Variants in CNDP1 observed in about 807,000 individuals in gnomAD.
CNDP1 encodes carnosine dipeptidase 1, also known as beta-Ala-His dipeptidase.
CNDP1 carries 44 observed loss-of-function variants against 58.1 expected under a neutral mutation model. The ratio of observed to expected loss-of-function variants is 0.76; its 90% CI spans 0.60 to 0.97. The LOEUF (loss-of-function observed/expected upper bound fraction) is 0.97, where lower values mean the gene tolerates loss of function less well. Among genes scored for constraint, CNDP1 ranks in the 50% least tolerant of loss-of-function variants. The pLI is 0.00. For missense variants in CNDP1, 616 were observed against 655.1 expected, an observed-to-expected ratio of 0.94 and a Z score of 0.65; for synonymous variants, 254 against 252.6, an observed-to-expected ratio of 1.01 and a Z score of -0.05.
intron 8 of CNDP1, chr18:74,577,864 C>T (rs189228245): frequency 2.8e-4 from 76 of 274,728 alleles, no homozygotes; most frequent in East Asian, 6.6e-4. Context: ...CCACACTGAA[C>T]GTGCCCGATC....
At chr18:74,567,101 A>C (rs1981347727) in intron 5 of CNDP1, 132 bp from the exon 6 acceptor site, 2 of 691,108 alleles carry the variant, frequency 2.9e-6, no homozygotes, top group Non-Finnish European at 2.6e-6. Flanking sequence ...CCCATGATTC[A>C]ATTACCTCCC....
At chr18:74,541,248 C>T (rs994502256) in intron 1 of CNDP1, among the ~76,000 whole-genome samples, 12 of 152,198 alleles carry the variant, frequency 7.9e-5, no homozygotes, top group Non-Finnish European at 1.3e-4. Context: ...GCAGAGGCAC[C>T]GTTTAGCTGC....
intron 1 of CNDP1, among the ~76,000 whole-genome samples, chr18:74,535,301 T>C (rs898619730): frequency 6.6e-6 from 1 of 151,824 alleles, no homozygotes; most frequent in Non-Finnish European, 1.5e-5. Flanking sequence ...GGACGCTTTT[T>C]ATTTCCATTG....
At chr18:74,582,467 C>T (rs1466375297) in intron 10 of CNDP1, among the ~76,000 whole-genome samples, 3 of 152,130 alleles carry the variant, frequency 2.0e-5, no homozygotes, top group Non-Finnish European at 2.9e-5. Context: ...GACATTTGAG[C>T]GATAGTACAG....
intron 10 of CNDP1, among the ~76,000 whole-genome samples, chr18:74,581,110 G>A (rs1022537055): frequency 6.6e-6 from 1 of 151,858 alleles, no homozygotes; most frequent in African/African-American, 2.4e-5. Flanking sequence ...GCTCTTCCTG[G>A]TCACAAAGAG....
Position 74,562,129 on chromosome 18 carries a change from G to A in CNDP1, c.549G>A (p.Leu183=). The part of the protein sequence containing the change: ...WINAVSAFRA[L]EQDLPVNIKF... ...ATGCTGTGAGCGCCTTCAGAGCCCT[G>A]GAGCAAGTAGGTGGCAGCTGTGTTT... The change falls in exon 5 of 12, where the codon CTG becomes CTA. Residue 183 remains leucine (L), a synonymous_variant. Transcript: ENST00000358821. The A allele has an allele frequency of 1.2e-6, 2 of 1,613,996 alleles. No homozygotes were observed.
At position 74,567,374 on chromosome 18, in the gene CNDP1, A is replaced by G. The variant is rs773967009; in HGVS notation, c.697A>G (p.Ser233Gly). ...YIVISDNLWISQRKPAITYGT... is the reference protein window; with the variant it reads ...YIVISDNLWIGQRKPAITYGT... ...TGTAATTTCAGATAACCTGTGGATC[A>G]GCCAAAGGAAGCCAGCAATCACTTA... is the stretch of plus-strand genomic sequence containing the variant. The change falls in exon 6 of 12, where the codon AGC becomes GGC. Residue 233 changes from serine to glycine, a missense_variant. Ser to Gly is a moderately conservative substitution (Grantham distance 56). Transcript: ENST00000358821. 1 of 1,614,158 alleles carries G rather than the reference A, an allele frequency of 6.2e-7. No homozygotes were observed. Among genetic ancestry groups the G allele is most frequent in the South Asian group, 1.1e-5 (1 of 91,084 alleles).
At chr18:74,570,248 AAAAG>A (rs1981445473) in intron 6 of CNDP1, among the ~76,000 whole-genome samples, 1 of 150,214 alleles carries the variant, frequency 6.7e-6, no homozygotes, top group Non-Finnish European at 1.5e-5. Context: ...TAATTAAAAA[AAAAG>A]AAAAGAAAAG....
chr18:74,573,484 T>G (rs1389422028), intron 7 of CNDP1, among the ~76,000 whole-genome samples: 2 of 150,584 alleles, frequency 1.3e-5, no homozygotes, highest in African/African-American at 4.9e-5. Flanking sequence ...AATCTATCTA[T>G]TCTTCTATGG....
rs1209967264 is a variant in CNDP1, at chr18:74,545,833, A to G, written c.25-10505A>G. ...CAGTGGCTCTGGTGTGGCCACAGCTACGATATCTCCAAAGGAGAATGTTCG... is the reference window on the plus strand; with the variant it reads ...CAGTGGCTCTGGTGTGGCCACAGCTGCGATATCTCCAAAGGAGAATGTTCG... On this transcript the variant is annotated intron_variant, in intron 1 of 11. Coordinates refer to ENST00000358821, the MANE Select transcript of CNDP1 (RefSeq NM_032649.6). This position sits in a 1 kb window ranked among gnomAD's most constrained non-coding sequence, Gnocchi z 4.1. Among the ~76,000 whole-genome samples the G allele has an allele frequency of 6.6e-6, 1 of 152,176 alleles. No individual in the cohort carries two copies. Among genetic ancestry groups the G allele is most frequent in the African/African-American group, 2.4e-5 (1 of 41,432 alleles).
chr18:74,557,883 C>T (rs1371608606), intron 2 of CNDP1, among the ~76,000 whole-genome samples: 1 of 152,232 alleles, frequency 6.6e-6, no homozygotes, highest in Non-Finnish European at 1.5e-5. Context: ...GAAATATTAA[C>T]TAGGCATCAA....
chr18:74,580,727 G>A (rs1167540349), intron 10 of CNDP1, among the ~76,000 whole-genome samples: 1 of 152,190 alleles, frequency 6.6e-6, no homozygotes, highest in East Asian at 1.9e-4. Context: ...CAGCAGTTTG[G>A]GAGGCAGAGG....
intron 1 of CNDP1, among the ~76,000 whole-genome samples, chr18:74,547,939 C>G (rs1980804567): frequency 6.6e-6 from 1 of 152,174 alleles, no homozygotes; most frequent in African/African-American, 2.4e-5. Context: ...GGAATAAACA[C>G]AGGCCTATGC....
At chr18:74,538,742 G>T (rs1980544388) in intron 1 of CNDP1, among the ~76,000 whole-genome samples, 2 of 152,086 alleles carry the variant, frequency 1.3e-5, no homozygotes, top group South Asian at 4.2e-4. Flanking sequence ...GGTGGGAAGT[G>T]GTGTCTGGTT....
chr18:74,540,297 G>T (rs1980586450), intron 1 of CNDP1, among the ~76,000 whole-genome samples: 1 of 151,832 alleles, frequency 6.6e-6, no homozygotes, highest in Non-Finnish European at 1.5e-5. Flanking sequence ...AGCTGGGATT[G>T]CAGGTGCCCA....
chr18:74,564,287 A>C (rs75052101), intron 5 of CNDP1, among the ~76,000 whole-genome samples: 135 of 152,274 alleles, frequency 8.9e-4, no homozygotes, highest in African/African-American at 3.1e-3. Flanking sequence ...TCTCCTCTTA[A>C]TGTGGTTCTC....
At chr18:74,573,413 C>CT (rs1981541641) in intron 7 of CNDP1, among the ~76,000 whole-genome samples, 1 of 106,332 alleles carries the variant, frequency 9.4e-6, no homozygotes, top group African/African-American at 3.9e-5. Context: ...CACCCATTAT[C>CT]ATCTATCCAT....
At chr18:74,575,514 CAG>C (rs1329734613) in intron 7 of CNDP1, among the ~76,000 whole-genome samples, 1 of 152,174 alleles carries the variant, frequency 6.6e-6, no homozygotes, top group Non-Finnish European at 1.5e-5. Flanking sequence ...GTATTTTCTA[CAG>C]AGAGTGGGCG....
intron 7 of CNDP1, among the ~76,000 whole-genome samples, chr18:74,575,831 ATGTG>A (rs386388202): frequency 0.03 from 2,846 of 94,240 alleles, 126 homozygotes; most frequent in African/African-American, 0.1. Context: ...GTGTGTATAC[ATGTG>A]TGTGTGTGTG....
Sources: gnomAD v4.1 joint callset for allele counts (sites outside exome capture counted in the v4.1 genomes callset) on GRCh38, gnomAD v4.1.1 for gene constraint, Gnocchi (gnomAD v3.1) non-coding constraint, MANE v1.5 for transcripts, NCBI Gene and HGNC (gene_info 2026-07-23, HGNC 2026-07-21) for gene names.